Variants in PCDH9 observed in about 807,000 individuals in gnomAD.
PCDH9 encodes protocadherin-9.
PCDH9 carries 24 observed loss-of-function variants against 70.6 expected under a neutral mutation model. The ratio of observed to expected loss-of-function variants is 0.34; its 90% CI spans 0.25 to 0.48. The LOEUF (loss-of-function observed/expected upper bound fraction) is 0.48, where lower values mean the gene tolerates loss of function less well. Ranked by LOEUF, PCDH9 falls within the 20% of genes least tolerant of loss-of-function variation. PCDH9 has a pLI of 0.99. For synonymous variants in PCDH9, 562 were observed against 558.5 expected (o/e 1.01, Z -0.09); for missense variants, 1,281 against 1,503.6 (o/e 0.85, Z 2.45).
rs190028394 is a variant in PCDH9 at position 66,737,431 on chromosome 13, T to C, written c.3139-106020A>G. Reference sequence around the variant, plus strand: ...ACCAAAAGTGGGCTACCCACATGAGTTGGCAGTCTATTTACTTTTGTTGAA... The same window carrying C: ...ACCAAAAGTGGGCTACCCACATGAGCTGGCAGTCTATTTACTTTTGTTGAA... On this transcript the variant is annotated intron_variant, in intron 3 of 4. Coordinates refer to ENST00000377865, the MANE Select transcript of PCDH9 (RefSeq NM_203487.3). 4.1e-3 allele frequency among the ~76,000 whole-genome samples: 625 copies of C among 152,228 alleles called. 3 individuals carry two copies. Among genetic ancestry groups the C allele is most frequent in the African/African-American group, 0.014 (572 of 41,532 alleles).
chr13:66,987,445 T>A (rs1392597852), intron 2 of PCDH9, among the ~76,000 whole-genome samples: 1 of 152,014 alleles, frequency 6.6e-6, no homozygotes, highest in East Asian at 1.9e-4. Flanking sequence ...ATTTTAAAAG[T>A]TTATGACCTC....
intron 2 of PCDH9, among the ~76,000 whole-genome samples, chr13:66,946,525 A>T (rs1196729601): frequency 1.3e-5 from 2 of 152,098 alleles, no homozygotes; most frequent in East Asian, 3.9e-4. Flanking sequence ...AAAGATTTTT[A>T]TAGTATATAC....
At chr13:66,435,151 C>T (rs1001512016) in intron 4 of PCDH9, among the ~76,000 whole-genome samples, 1 of 152,050 alleles carries the variant, frequency 6.6e-6, no homozygotes, top group African/African-American at 2.4e-5. Flanking sequence ...GGAATGATAG[C>T]AACAATGTCT....
intron 3 of PCDH9, among the ~76,000 whole-genome samples, chr13:66,803,306 G>A (rs905022575): frequency 6.6e-6 from 1 of 152,148 alleles, no homozygotes; most frequent in Admixed American, 6.5e-5. Flanking sequence ...CAGAGATGGT[G>A]TGTGCATTGC....
At chr13:67,129,637 A>T (rs1351426461) in intron 2 of PCDH9, among the ~76,000 whole-genome samples, 1 of 144,422 alleles carries the variant, frequency 6.9e-6, no homozygotes, top group African/African-American at 2.5e-5. Context: ...ATATATATAT[A>T]TGTATTTTAG....
At chr13:66,667,168 G>T (rs1011846809) in intron 3 of PCDH9, among the ~76,000 whole-genome samples, 2 of 152,108 alleles carry the variant, frequency 1.3e-5, no homozygotes, top group African/African-American at 4.8e-5. Flanking sequence ...ATACAAAATG[G>T]CTGTGCCTGA....
intron 3 of PCDH9, among the ~76,000 whole-genome samples, chr13:66,877,329 A>G (rs185353056): frequency 7.9e-4 from 119 of 151,460 alleles, no homozygotes; most frequent in African/African-American, 2.8e-3. Flanking sequence ...AAAATTTAAA[A>G]TATATATATA....
intron 3 of PCDH9, among the ~76,000 whole-genome samples, chr13:66,859,499 A>C (rs1394189226): frequency 2.6e-5 from 4 of 152,206 alleles, no homozygotes; most frequent in Non-Finnish European, 5.9e-5. Flanking sequence ...TGGGTTTTAC[A>C]TTCACTATTT....
chr13:67,001,589 T>C (rs946570783), intron 2 of PCDH9, among the ~76,000 whole-genome samples: 24 of 152,194 alleles, frequency 1.6e-4, no homozygotes, highest in African/African-American at 5.1e-4. Flanking sequence ...TTAGGACCAG[T>C]GTTGTTTGGC....
At chr13:66,337,009 A>AT (rs1268605022) in intron 4 of PCDH9, among the ~76,000 whole-genome samples, 3 of 151,780 alleles carry the variant, frequency 2.0e-5, no homozygotes, top group South Asian at 2.1e-4. Context: ...CCTTATAATA[A>AT]TTTTTTTTCT....
At chr13:67,037,768 C>A (rs559656768) in intron 2 of PCDH9, among the ~76,000 whole-genome samples, 106 of 152,206 alleles carry the variant, frequency 7.0e-4, no homozygotes, top group Non-Finnish European at 1.3e-3. Context: ...AAGATGGAAA[C>A]TCGGGTGATG....
chr13:66,459,016 G>A (rs76595839), intron 4 of PCDH9, among the ~76,000 whole-genome samples: 2 of 151,906 alleles, frequency 1.3e-5, no homozygotes, highest in East Asian at 1.9e-4. Context: ...TGGCAGGGGA[G>A]GGGGAGCAGA....
At chr13:67,008,648 C>T (rs2084397428) in intron 2 of PCDH9, among the ~76,000 whole-genome samples, 1 of 152,126 alleles carries the variant, frequency 6.6e-6, no homozygotes, top group African/African-American at 2.4e-5. Context: ...ACTTTCTCTT[C>T]TACTGTCCAA....
In PCDH9 at chr13:66,541,870, G is replaced by C. The variant is rs144023032; in HGVS notation, c.3340+89340C>G. Among the ~76,000 whole-genome samples, 783 of 152,266 alleles carry C rather than the reference G, an allele frequency of 5.1e-3. 12 individuals are homozygous for C. The highest frequency in any genetic ancestry group is 0.018 in the African/African-American group (746 of 41,566). On this transcript the variant is annotated intron_variant, in intron 4 of 4. Transcript: ENST00000377865. Reference sequence around the variant, plus strand: ...TGTGCTCCTGCATCTACTTGAACCAGAGAATCAGAGAAGTTCCTTGGAGTT... The same window carrying C: ...TGTGCTCCTGCATCTACTTGAACCACAGAATCAGAGAAGTTCCTTGGAGTT...
At chr13:66,863,441 G>A (rs1285555079) in intron 3 of PCDH9, among the ~76,000 whole-genome samples, 1 of 152,102 alleles carries the variant, frequency 6.6e-6, no homozygotes, top group Non-Finnish European at 1.5e-5. Flanking sequence ...GTATGATTAA[G>A]TATATTTTGA....
At chr13:66,998,673 C>A (rs1447131200) in intron 2 of PCDH9, among the ~76,000 whole-genome samples, 1 of 152,182 alleles carries the variant, frequency 6.6e-6, no homozygotes, top group East Asian at 1.9e-4. Flanking sequence ...TTAGCCAGGT[C>A]CACTTCTACT....
intron 2 of PCDH9, among the ~76,000 whole-genome samples, chr13:67,171,904 C>A (rs2088296758): frequency 6.6e-6 from 1 of 152,168 alleles, no homozygotes; most frequent in Non-Finnish European, 1.5e-5. Flanking sequence ...CCCTAAAGGG[C>A]CTTACTGCTA....
intron 2 of PCDH9, among the ~76,000 whole-genome samples, chr13:67,023,215 T>C (rs1394497124): frequency 6.6e-6 from 1 of 152,084 alleles, no homozygotes; most frequent in Non-Finnish European, 1.5e-5. Context: ...TTGTTTACAG[T>C]TACACTACTT....
chr13:67,176,466 C>G (rs535598435), intron 2 of PCDH9, among the ~76,000 whole-genome samples: 1 of 151,936 alleles, frequency 6.6e-6, no homozygotes, highest in South Asian at 2.1e-4. Context: ...TAAAATCATT[C>G]TACTATAAAA....
Sources: gnomAD v4.1 joint callset for allele counts (sites outside exome capture counted in the v4.1 genomes callset) on GRCh38, gnomAD v4.1.1 for gene constraint, MANE v1.5 for transcripts, NCBI Gene and HGNC (gene_info 2026-07-23, HGNC 2026-07-21) for gene names.